LRMDA: variants seen among roughly 807,000 people sequenced by gnomAD.
LRMDA encodes the protein leucine rich melanocyte differentiation associated, also known as leucine-rich melanocyte differentiation-associated protein.
A neutral mutation model predicts 29.8 loss-of-function variants in LRMDA; 18 were observed. The observed-to-expected ratio is 0.60, with a 90% CI of 0.42 to 0.90. The LOEUF (loss-of-function observed/expected upper bound fraction) is 0.90, where lower values mean the gene tolerates loss of function less well. Among genes scored for constraint, LRMDA ranks in the 40% least tolerant of loss-of-function variants. The pLI, the probability that LRMDA is intolerant of heterozygous loss-of-function variation, is 0.00. For synonymous variants in LRMDA, 125 were observed against 109.4 expected (o/e 1.14, Z -0.89); for missense variants, 273 against 273.9 (o/e 1.00, Z 0.02).
rs186162543 is a variant in LRMDA at position 76,247,108 on chromosome 10, C to T, written c.517-77293C>T. Among the ~76,000 whole-genome samples, 268 of 152,292 alleles carry T rather than the reference C, an allele frequency of 1.8e-3. 2 individuals are homozygous for T. Among genetic ancestry groups the T allele is most frequent in the African/African-American group, 5.8e-3 (239 of 41,562 alleles). ...TCTGTCCCTCACTCCTTCACTCTTG[C>T]CCCAGCTATCCCAGAATAGCTTAAC... On this transcript the variant is annotated intron_variant, in intron 5 of 6. Transcript: ENST00000611255.
At chr10:76,463,922 T>G (rs1589198029) in intron 6 of LRMDA, among the ~76,000 whole-genome samples, 1 of 143,922 alleles carries the variant, frequency 6.9e-6, no homozygotes, top group African/African-American at 2.5e-5. Flanking sequence ...AATAAATTTT[T>G]TTTTTTTTTT....
At chr10:76,516,860 T>C (rs1275353016) in intron 6 of LRMDA, among the ~76,000 whole-genome samples, 1 of 152,204 alleles carries the variant, frequency 6.6e-6, no homozygotes, top group African/African-American at 2.4e-5. Flanking sequence ...ATATACCCAG[T>C]AATGGGATGG....
intron 5 of LRMDA, among the ~76,000 whole-genome samples, chr10:76,144,326 T>A (rs964296053): frequency 7.2e-5 from 11 of 152,162 alleles, no homozygotes; most frequent in Non-Finnish European, 1.2e-4. Flanking sequence ...ATCCATGAGC[T>A]TGGAATGTTC....
chr10:75,573,937 A>G (rs1474770486), intron 2 of LRMDA, among the ~76,000 whole-genome samples: 1 of 151,866 alleles, frequency 6.6e-6, no homozygotes, highest in Non-Finnish European at 1.5e-5. Context: ...CCATGACTTT[A>G]CATACACTAA....
chr10:76,287,469 A>G (rs780642063), intron 5 of LRMDA, among the ~76,000 whole-genome samples: 1 of 152,096 alleles, frequency 6.6e-6, no homozygotes, highest in Non-Finnish European at 1.5e-5. Flanking sequence ...TATTTTTCTT[A>G]ATCTAACTTG....
chr10:76,427,692 G>A (rs1335098168), intron 6 of LRMDA, among the ~76,000 whole-genome samples: 1 of 152,150 alleles, frequency 6.6e-6, no homozygotes, highest in Non-Finnish European at 1.5e-5. Context: ...CGTTTTCAAA[G>A]GGAATGCTTC....
intron 2 of LRMDA, among the ~76,000 whole-genome samples, chr10:75,728,793 T>C (rs1453420619): frequency 6.6e-6 from 1 of 152,002 alleles, no homozygotes; most frequent in Admixed American, 6.6e-5. Flanking sequence ...AGGGACTTAA[T>C]GGGATGGTGG....
intron 6 of LRMDA, among the ~76,000 whole-genome samples, chr10:76,331,611 C>G (rs1840906102): frequency 6.6e-6 from 1 of 152,212 alleles, no homozygotes; most frequent in South Asian, 2.1e-4. Flanking sequence ...TCCAGGGGTC[C>G]TGTCAAATAA....
chr10:75,511,520 A>G (rs1845225977), intron 2 of LRMDA, among the ~76,000 whole-genome samples: 1 of 152,200 alleles, frequency 6.6e-6, no homozygotes, highest in Non-Finnish European at 1.5e-5. Flanking sequence ...GATGTTCGGA[A>G]GGTAGGACCC....
In LRMDA at chr10:76,204,237, G is replaced by A. The variant is rs552761010; in HGVS notation, c.517-120164G>A. The stretch of plus-strand genomic sequence containing the variant: ...CCACCCATCTCTATTCCATGTGCCC[G>A]TCCACCCATCTCTATTCCATGTGCC... On this transcript the variant is annotated intron_variant, in intron 5 of 6. Coordinates refer to ENST00000611255, the MANE Select transcript of LRMDA (RefSeq NM_001305581.2). Among the ~76,000 whole-genome samples, 980 of 115,032 alleles carry A rather than the reference G, an allele frequency of 8.5e-3. 9 individuals carry two copies. The highest frequency in any genetic ancestry group is 0.028 in the African/African-American group (810 of 28,860). 75.5% of individuals were successfully genotyped at this position (115,032 alleles called of 152,430 possible).
Position 76,286,662 on chromosome 10 carries a change from A to G in LRMDA, c.517-37739A>G, listed in dbSNP as rs138295346. 5.4e-3 allele frequency among the ~76,000 whole-genome samples: 824 copies of G among 152,298 alleles called. 8 individuals are homozygous for G. Among genetic ancestry groups the G allele is most frequent in the African/African-American group, 0.018 (769 of 41,590 alleles). ...CTAGGAAAGCTTCAAAGATTCTGCC[A>G]AACACTTTAGGTGTCTAAGATATTT... On this transcript the variant is annotated intron_variant, in intron 5 of 6. Transcript: ENST00000611255.
rs1348815424 is a variant in LRMDA at position 76,072,173 on chromosome 10, AG to A, written c.516+13391del. Among the ~76,000 whole-genome samples the A allele has an allele frequency of 6.6e-5, 10 of 152,350 alleles. No individual in the cohort carries two copies. In the East Asian group the frequency reaches 1.7e-3, roughly 27 times the overall value. On this transcript the variant is annotated intron_variant, in intron 5 of 6. Transcript: ENST00000611255. ...CAACTGGGACCAGACAACTAATTAT[AG>A]CCCCTGCCACAAGAGCAGTTCAAGC... is the stretch of plus-strand genomic sequence containing the variant.
chr10:76,004,453 T>C (rs963035325), intron 2 of LRMDA, among the ~76,000 whole-genome samples: 5 of 152,208 alleles, frequency 3.3e-5, no homozygotes, highest in African/African-American at 1.2e-4. Flanking sequence ...ACATAGAGAT[T>C]GACGCAGAGT....
At chr10:75,580,985 A>T (rs1234073403) in intron 2 of LRMDA, among the ~76,000 whole-genome samples, 5 of 152,164 alleles carry the variant, frequency 3.3e-5, no homozygotes, top group Non-Finnish European at 5.9e-5. Context: ...AACCTAGGCA[A>T]TACCATTCAG....
chr10:76,516,144 G>A (rs1421299577), intron 6 of LRMDA, among the ~76,000 whole-genome samples: 1 of 152,122 alleles, frequency 6.6e-6, no homozygotes, highest in East Asian at 1.9e-4. Flanking sequence ...TTGATAAAAG[G>A]CAAATATGAG....
chr10:75,734,124 C>T (rs1842731619), intron 2 of LRMDA, among the ~76,000 whole-genome samples: 2 of 152,160 alleles, frequency 1.3e-5, no homozygotes, highest in Admixed American at 1.3e-4. Flanking sequence ...TCTGACTGCT[C>T]AGGGCTGGAG....
chr10:75,643,471 A>G (rs538516278), intron 2 of LRMDA, among the ~76,000 whole-genome samples: 2 of 152,326 alleles, frequency 1.3e-5, no homozygotes, highest in South Asian at 4.1e-4. Flanking sequence ...CTCAGCAGTC[A>G]CCTGGTGTAA....
intron 2 of LRMDA, among the ~76,000 whole-genome samples, chr10:75,482,904 A>G (rs570220223): frequency 6.6e-6 from 1 of 152,234 alleles, no homozygotes; most frequent in African/African-American, 2.4e-5. Flanking sequence ...AAGCAAAAAT[A>G]TGTTAATCAC....
chr10:76,260,391 T>G (rs566025260), intron 5 of LRMDA, among the ~76,000 whole-genome samples: 1 of 152,328 alleles, frequency 6.6e-6, no homozygotes, highest in South Asian at 2.1e-4. Flanking sequence ...ATGAATCCAC[T>G]TAGTTTTAGC....
Sources: allele counts gnomAD v4.1 joint callset (sites outside exome capture counted in the v4.1 genomes callset), GRCh38; gene constraint gnomAD v4.1.1; transcripts MANE v1.5; gene names NCBI Gene and HGNC (gene_info 2026-07-23, HGNC 2026-07-21).